The following LRP5 variants were observed in gnomAD, a reference collection of about 807,000 sequenced individuals.
LRP5 encodes low-density lipoprotein receptor-related protein 5.
Under a neutral mutation model 154.1 loss-of-function variants are expected in LRP5, and 62 were observed. That is an observed-to-expected ratio of 0.40 (90% CI 0.33 to 0.50). The LOEUF (loss-of-function observed/expected upper bound fraction) is 0.50. Ranked by LOEUF, LRP5 falls within the 20% of genes least tolerant of loss-of-function variation. LRP5 has a pLI of 0.55. For missense variants in LRP5, 1,915 were observed against 2,336.7 expected (o/e 0.82, Z 3.72); for synonymous variants, 966 against 1,011.5 (o/e 0.96, Z 0.85).
intron 16 of LRP5, among the ~76,000 whole-genome samples, chr11:68,428,449 T>C (rs1034027081): frequency 9.9e-5 from 15 of 152,174 alleles, no homozygotes; most frequent in Non-Finnish European, 2.9e-5. Flanking sequence ...CTGTGCTTCC[T>C]CTGGGGGCTC....
chr11:68,341,620 A>G (rs1315921586), intron 1 of LRP5, among the ~76,000 whole-genome samples: 1 of 151,962 alleles, frequency 6.6e-6, no homozygotes, highest in Non-Finnish European at 1.5e-5. Flanking sequence ...CGTGGTGGGA[A>G]GGCGCCCAGA....
At chr11:68,340,015 C>A (rs1024172973) in intron 1 of LRP5, among the ~76,000 whole-genome samples, 1 of 151,954 alleles carries the variant, frequency 6.6e-6, no homozygotes, top group Non-Finnish European at 1.5e-5. Context: ...CCAAGGCGGG[C>A]GGATCACCTG....
chr11:68,365,543 TTC>T (rs771677631), intron 4 of LRP5, 26 bp from the exon 5 acceptor site: 1 of 1,613,548 alleles, frequency 6.2e-7, no homozygotes, highest in Admixed American at 1.7e-5. Context: ...TTCTGGAACC[TTC>T]TCTCACTCTG....
Position 68,386,030 on chromosome 11 carries a change from A to G in LRP5, c.1016-286A>G, listed in dbSNP as rs546625222. On this transcript the variant is annotated intron_variant, in intron 5 of 22. Coordinates refer to ENST00000294304, the MANE Select transcript of LRP5 (RefSeq NM_002335.4). The surrounding 1 kb of genome is among the most constrained non-coding windows in gnomAD (Gnocchi z 7.9). ...GCTCCCACCCAGCAGCTGAAGCCCA[A>G]TGGCCTGGCTGTGTGGCTCTCAGCT... is the stretch of plus-strand genomic sequence containing the variant. Among the ~76,000 whole-genome samples, 128 of 152,242 alleles carry G rather than the reference A, an allele frequency of 8.4e-4. 1 individual carries two copies. The highest frequency in any genetic ancestry group is 2.9e-3 in the African/African-American group (119 of 41,566).
Position 68,447,904 on chromosome 11 carries a change from C to T in LRP5, c.4587-905C>T, listed in dbSNP as rs1214977336. On this transcript the variant is annotated intron_variant, in intron 22 of 22. Coordinates refer to ENST00000294304, the MANE Select transcript of LRP5 (RefSeq NM_002335.4). The surrounding 1 kb of genome is among the most constrained non-coding windows in gnomAD (Gnocchi z 4.3). ...GGATGGGAGGTCAGGAGCCATCTTGCGAGTCAGGTTGCTTGAACTCAGGAT... is the reference window on the plus strand; with the variant it reads ...GGATGGGAGGTCAGGAGCCATCTTGTGAGTCAGGTTGCTTGAACTCAGGAT... Among the ~76,000 whole-genome samples, 2 of 152,250 alleles carry T rather than the reference C, an allele frequency of 1.3e-5. No homozygotes were observed. The highest frequency in any genetic ancestry group is 2.1e-4 in the South Asian group (1 of 4,824).
chr11:68,395,587 T>C (rs1490671537), intron 7 of LRP5, among the ~76,000 whole-genome samples: 3 of 152,176 alleles, frequency 2.0e-5, no homozygotes, highest in African/African-American at 7.2e-5. Context: ...ACAGGCTGTT[T>C]CTAAGAGGGG....
chr11:68,321,016 G>A (rs1565314602), intron 1 of LRP5, among the ~76,000 whole-genome samples: 1 of 139,802 alleles, frequency 7.2e-6, no homozygotes, highest in African/African-American at 2.6e-5. Flanking sequence ...TTCCAGGACT[G>A]TTACTGTTTT....
chr11:68,314,162 CA>C (rs1005863257), intron 1 of LRP5, among the ~76,000 whole-genome samples: 1 of 152,084 alleles, frequency 6.6e-6, no homozygotes, highest in Non-Finnish European at 1.5e-5. Flanking sequence ...GTCAAGGAGG[CA>C]AAAGGGGTTT....
intron 5 of LRP5, among the ~76,000 whole-genome samples, chr11:68,373,389 CG>C (rs138313299): frequency 0.056 from 8,508 of 151,634 alleles, 810 homozygotes; most frequent in African/African-American, 0.19. Flanking sequence ...GCGTTGGTGG[CG>C]GGGGGGGCCC....
chr11:68,354,576 C>T (rs192789996), intron 2 of LRP5, among the ~76,000 whole-genome samples: 10 of 152,306 alleles, frequency 6.6e-5, no homozygotes, highest in Admixed American at 3.3e-4. Context: ...AGGCGTCTGC[C>T]GCAGGCACGC....
At chr11:68,312,353 C>G (rs1420462054), upstream of LRP5, among the ~76,000 whole-genome samples, 2 of 151,790 alleles carry the variant, frequency 1.3e-5, no homozygotes, top group African/African-American at 2.4e-5. Context: ...CCCGATCGGC[C>G]GCCGGGCCCC....
intron 5 of LRP5, among the ~76,000 whole-genome samples, chr11:68,367,614 G>A (rs1247063802): frequency 6.6e-6 from 1 of 152,200 alleles, no homozygotes; most frequent in Non-Finnish European, 1.5e-5. Flanking sequence ...ACTCAGTGCT[G>A]GAGCTGGACC....
At chr11:68,348,550 G>A (rs1022570353) in intron 2 of LRP5, among the ~76,000 whole-genome samples, 3 of 145,472 alleles carry the variant, frequency 2.1e-5, no homozygotes, top group Admixed American at 1.4e-4. Flanking sequence ...ACTCGTGGGG[G>A]GGTTGGTTCA....
chr11:68,412,345 C>CAGAA (rs1004536434), intron 11 of LRP5, among the ~76,000 whole-genome samples: 5 of 152,136 alleles, frequency 3.3e-5, no homozygotes, highest in African/African-American at 1.2e-4. Flanking sequence ...AGGTCAGGGG[C>CAGAA]AGAAGCTCTG....
chr11:68,439,377 G>A (rs913866912), intron 20 of LRP5, among the ~76,000 whole-genome samples: 1 of 152,216 alleles, frequency 6.6e-6, no homozygotes, highest in South Asian at 2.1e-4. Flanking sequence ...GGGTATAGAT[G>A]TAACCTGATT....
intron 3 of LRP5, among the ~76,000 whole-genome samples, chr11:68,360,612 G>A (rs1565344630): frequency 2.0e-5 from 3 of 152,350 alleles, no homozygotes; most frequent in South Asian, 2.1e-4. Flanking sequence ...GGCAAGGGCC[G>A]AGGCTGACCT....
At position 68,406,822 on chromosome 11, in the gene LRP5, G is replaced by A. The variant is rs2098655973; in HGVS notation, c.2091+9G>A. On this transcript the variant is annotated intron_variant, in intron 9 of 22. Coordinates refer to ENST00000294304, the MANE Select transcript of LRP5 (RefSeq NM_002335.4). ...CAGACGTCAGCCTGAAGGTAGCGTG[G>A]GCCAGAACGTGCACACAGGCAGCCT... 1 of 1,613,376 alleles carries A rather than the reference G, an allele frequency of 6.2e-7. No individual in the cohort carries two copies. Among genetic ancestry groups the A allele is most frequent in the Non-Finnish European group, 8.5e-7 (1 of 1,179,770 alleles).
intron 7 of LRP5, among the ~76,000 whole-genome samples, chr11:68,390,877 A>C (rs574014648): frequency 6.6e-6 from 1 of 152,262 alleles, no homozygotes; most frequent in East Asian, 1.9e-4. Context: ...GTCGGGTTTC[A>C]GTGGCCTCGT....
intron 1 of LRP5, among the ~76,000 whole-genome samples, chr11:68,345,008 G>A (rs1251091206): frequency 4.6e-5 from 7 of 151,428 alleles, no homozygotes; most frequent in African/African-American, 9.7e-5. Context: ...AACTACAGGC[G>A]CGTGCCACCA....
Sources: gnomAD v4.1 joint callset for allele counts (sites outside exome capture counted in the v4.1 genomes callset) on GRCh38, gnomAD v4.1.1 for gene constraint, Gnocchi (gnomAD v3.1) non-coding constraint, MANE v1.5 for transcripts, NCBI Gene and HGNC (gene_info 2026-07-23, HGNC 2026-07-21) for gene names.